Variants in ARFGEF1 observed in about 807,000 individuals in gnomAD.
ARFGEF1 encodes brefeldin A-inhibited guanine nucleotide-exchange protein 1.
A neutral mutation model predicts 231.0 loss-of-function variants in ARFGEF1; 42 were observed. The ratio of observed to expected loss-of-function variants is 0.18; its 90% CI spans 0.14 to 0.24. The LOEUF (loss-of-function observed/expected upper bound fraction) is 0.24, where lower values mean the gene tolerates loss of function less well. Among genes scored for constraint, ARFGEF1 ranks in the 10% least tolerant of loss-of-function variants. ARFGEF1 has a pLI of 1.00. For missense variants in ARFGEF1, 1,345 were observed against 2,192.0 expected (o/e 0.61, Z 7.72); for synonymous variants, 710 against 732.3 (o/e 0.97, Z 0.49).
intron 36 of ARFGEF1, among the ~76,000 whole-genome samples, chr8:67,202,526 C>T (rs914154845): frequency 2.6e-5 from 4 of 152,020 alleles, no homozygotes; most frequent in African/African-American, 7.3e-5. Flanking sequence ...CCCGAGTAGC[C>T]GGAACTACAG....
downstream of ARFGEF1, among the ~76,000 whole-genome samples, chr8:67,196,763 A>G (rs1428769141): frequency 6.6e-6 from 1 of 152,204 alleles, no homozygotes; most frequent in African/African-American, 2.4e-5. Context: ...TACAACATTA[A>G]AATAATCAAC....
intron 18 of ARFGEF1, among the ~76,000 whole-genome samples, chr8:67,252,659 G>A (rs1840333620): frequency 6.6e-6 from 1 of 152,088 alleles, no homozygotes; most frequent in Admixed American, 6.5e-5. Context: ...TCTCATTCCT[G>A]TAGTCAGATT....
At chr8:67,300,433 AT>A (rs1282270254) in intron 3 of ARFGEF1, among the ~76,000 whole-genome samples, 1 of 152,128 alleles carries the variant, frequency 6.6e-6, no homozygotes, top group Non-Finnish European at 1.5e-5. Context: ...GAGTTCAGAA[AT>A]TTTTCTGACA....
At chr8:67,173,670 A>G (rs760739504), downstream of ARFGEF1, 3 of 151,954 alleles carry the variant, frequency 2.0e-5, no homozygotes, top group Non-Finnish European at 2.9e-5. Flanking sequence ...AAAAAAAAAG[A>G]TAAATTGTGT....
chr8:67,217,723 C>T (rs1838985957), intron 32 of ARFGEF1, 59 bp downstream of exon 32: 2 of 1,540,502 alleles, frequency 1.3e-6, no homozygotes, highest in Admixed American at 3.6e-5. Flanking sequence ...AATCACTAGT[C>T]ACTCTCCAAC....
At chr8:67,272,047 G>A (rs1805117916) in intron 9 of ARFGEF1, 111 bp from the exon 10 acceptor site, 2 of 682,222 alleles carry the variant, frequency 2.9e-6, no homozygotes, top group Non-Finnish European at 4.8e-6. Context: ...CATAAACTTT[G>A]TAAATGGAGA....
intron 14 of ARFGEF1, among the ~76,000 whole-genome samples, chr8:67,263,355 C>G (rs1002529457): frequency 7.9e-5 from 12 of 152,176 alleles, no homozygotes; most frequent in Admixed American, 1.3e-4. Context: ...TTCTAATGCA[C>G]CCTTCAGGCT....
At chr8:67,205,715 A>C (rs548682084) in intron 34 of ARFGEF1, among the ~76,000 whole-genome samples, 1 of 152,124 alleles carries the variant, frequency 6.6e-6, no homozygotes, top group South Asian at 2.1e-4. Flanking sequence ...AAAATGTGCC[A>C]GGCATGGTTG....
Position 67,267,488 on chromosome 8 carries a change from A to G in ARFGEF1, c.1573-46T>C, listed in dbSNP as rs555163821. The G allele has an allele frequency of 2.2e-5, 27 of 1,252,710 alleles. No individual in the cohort carries two copies. The East Asian group carries it at 4.0e-4, about 18-fold the overall frequency. 77.6% of individuals were successfully genotyped at this position (1,252,710 alleles called of 1,614,324 possible). A position where few individuals can be genotyped will look rare whatever the true frequency, so the allele number is the denominator to read the frequency against. ...CTGTTTAAAATATTGTTTAGAATTC[A>G]TATGTGTGATCACTTTTTAAACATC... is the stretch of plus-strand genomic sequence containing the variant. On this transcript the variant is annotated intron_variant, in intron 10 of 38. Coordinates refer to ENST00000262215, the MANE Select transcript of ARFGEF1 (RefSeq NM_006421.5).
intron 1 of ARFGEF1, among the ~76,000 whole-genome samples, chr8:67,318,715 C>G (rs911198370): frequency 6.6e-6 from 1 of 152,212 alleles, no homozygotes; most frequent in Non-Finnish European, 1.5e-5. Context: ...AATGGTTCAC[C>G]TGTAATCCCA....
Position 67,213,635 on chromosome 8 carries a change from A to G in ARFGEF1, c.4687-2020T>C, listed in dbSNP as rs189525672. On this transcript the variant is annotated intron_variant, in intron 33 of 38. Transcript: ENST00000262215. The stretch of plus-strand genomic sequence containing the variant: ...CAATTAAACACTATTCCAGGTGTTC[A>G]GCTGAAGGTATTTTATACATGTGGT... Among the ~76,000 whole-genome samples the G allele has an allele frequency of 1.4e-3, 206 of 152,370 alleles. 2 individuals are homozygous for G. The highest frequency in any genetic ancestry group is 4.8e-3 in the African/African-American group (199 of 41,592).
chr8:67,202,758 A>G (rs1265471419), intron 36 of ARFGEF1, among the ~76,000 whole-genome samples: 1 of 152,168 alleles, frequency 6.6e-6, no homozygotes, highest in Non-Finnish European at 1.5e-5. Context: ...TGCGACTTTT[A>G]CACATATTTA....
At chr8:67,222,192 T>TACACACACAC (rs1371435004) in intron 29 of ARFGEF1, among the ~76,000 whole-genome samples, 2 of 139,230 alleles carry the variant, frequency 1.4e-5, no homozygotes, top group African/African-American at 5.6e-5. Flanking sequence ...CATATATATA[T>TACACACACAC]ATATATATAT....
chr8:67,197,765 A>G lies in ARFGEF1; in HGVS notation c.*1169T>C, dbSNP rs1189673382. ...TACAGAAAGTTGTACAGAATTTTTT[A>G]CATAGAAAACTTTACATCTGTACCA... On this transcript the variant is annotated 3_prime_UTR_variant, in exon 39 of 39. Coordinates refer to ENST00000262215, the MANE Select transcript of ARFGEF1 (RefSeq NM_006421.5). The G allele has an allele frequency of 3.0e-6, 3 of 985,784 alleles. No homozygotes were observed. Among genetic ancestry groups the G allele is most frequent in the African/African-American group, 1.7e-5 (1 of 57,264 alleles). The allele number at this position is 985,784 out of a possible 1,614,324, so 61.1% of individuals were successfully genotyped here. A position where few individuals can be genotyped will look rare whatever the true frequency, so the allele number is the denominator to read the frequency against.
At chr8:67,307,696 T>A (rs1327835536) in intron 1 of ARFGEF1, among the ~76,000 whole-genome samples, 1 of 152,298 alleles carries the variant, frequency 6.6e-6, no homozygotes, top group East Asian at 1.9e-4. Context: ...GAATCAAGAT[T>A]TATGAATTTG....
At chr8:67,184,072 C>T (rs1833747174) in intron 5 of ARFGEF1, among the ~76,000 whole-genome samples, 1 of 151,912 alleles carries the variant, frequency 6.6e-6, no homozygotes, top group Admixed American at 6.6e-5. Flanking sequence ...AGGCTGGTCT[C>T]GAACTCCTGA....
intron 5 of ARFGEF1, among the ~76,000 whole-genome samples, chr8:67,292,940 G>A (rs1806073829): frequency 6.6e-6 from 1 of 151,996 alleles, no homozygotes; most frequent in African/African-American, 2.4e-5. Context: ...AGGTGGAAAT[G>A]CCAGAATTAC....
Position 67,271,749 on chromosome 8 carries a change from G to A in ARFGEF1, c.1525C>T (p.Leu509Phe), listed in dbSNP as rs771009386. Reference sequence around the variant, plus strand: ...GTCTTGAAATTTGACAACAAAGTAAGAAATATAGAAAGAGAAAGCTCAAAA... The same window carrying A: ...GTCTTGAAATTTGACAACAAAGTAAAAAATATAGAAAGAGAAAGCTCAAAA... ...EVFELSLSIF[L>F]TLLSNFKTHL... is the part of the protein sequence containing the mutation. Residue 509 changes from leucine to phenylalanine, a missense_variant, in exon 10 of 39, where the codon CTT (leucine) becomes TTT (phenylalanine). This residue lies in a region of ARFGEF1 where 141 missense variants were observed against 259.9 expected (regional missense o/e 0.54). Coordinates refer to ENST00000262215, the MANE Select transcript of ARFGEF1 (RefSeq NM_006421.5). 6.2e-7 allele frequency: 1 copy of A among 1,613,546 alleles called. No individual in the cohort carries two copies. The highest frequency in any genetic ancestry group is 1.1e-5 in the South Asian group (1 of 90,982).
chr8:67,244,304 G>C (rs1205879685), intron 19 of ARFGEF1, among the ~76,000 whole-genome samples: 1 of 93,054 alleles, frequency 1.1e-5, no homozygotes, highest in East Asian at 3.0e-4. Context: ...CTCTCTCTCT[G>C]TTGTTGTTGT....
Sources: gnomAD v4.1 joint callset for allele counts (sites outside exome capture counted in the v4.1 genomes callset) on GRCh38, gnomAD v4.1.1 for gene constraint, gnomAD v4.1.1 regional missense constraint, MANE v1.5 for transcripts, NCBI Gene and HGNC (gene_info 2026-07-23, HGNC 2026-07-21) for gene names.